Variants in RAP1GDS1 observed in about 807,000 individuals in gnomAD.
The protein encoded by RAP1GDS1 is RAP1, GTP-GDP dissociation stimulator 1.
Under a neutral mutation model 71.1 loss-of-function variants are expected in RAP1GDS1, and 35 were observed. That is an observed-to-expected ratio of 0.49 (90% CI 0.38 to 0.65). RAP1GDS1 has a LOEUF of 0.65. Ranked by LOEUF, RAP1GDS1 falls within the 30% of genes least tolerant of loss-of-function variation. The probability of loss-of-function intolerance (pLI) is 0.00; values close to 1 mark genes in which losing one functional copy is unlikely to be tolerated. For synonymous variants in RAP1GDS1, 229 were observed against 243.1 expected, an observed-to-expected ratio of 0.94 and a Z score of 0.54; for missense variants, 663 against 706.1, an observed-to-expected ratio of 0.94 and a Z score of 0.69.
intron 2 of RAP1GDS1, among the ~76,000 whole-genome samples, chr4:98,327,111 T>C (rs923552398): frequency 6.6e-6 from 1 of 152,224 alleles, no homozygotes; most frequent in African/African-American, 2.4e-5. Flanking sequence ...TTTCTATTAC[T>C]TCCAGTATAT....
intron 5 of RAP1GDS1, among the ~76,000 whole-genome samples, chr4:98,388,796 A>C (rs1346127165): frequency 6.6e-6 from 1 of 152,120 alleles, no homozygotes; most frequent in African/African-American, 2.4e-5. Context: ...ATGATTTTAG[A>C]TGTCTAAAAA....
intron 11 of RAP1GDS1, 87 bp from the exon 12 acceptor site, chr4:98,421,168 C>T (rs1294380535): frequency 4.5e-6 from 6 of 1,319,500 alleles, no homozygotes; most frequent in South Asian, 4.1e-5. Flanking sequence ...TTTTTTTAGA[C>T]GTCCTTCACA....
intron 1 of RAP1GDS1, among the ~76,000 whole-genome samples, chr4:98,274,631 A>G (rs1018076458): frequency 1.4e-4 from 22 of 152,254 alleles, no homozygotes; most frequent in African/African-American, 5.3e-4. Context: ...TTCAGGTTAT[A>G]CTGAATTGGT....
intron 1 of RAP1GDS1, among the ~76,000 whole-genome samples, chr4:98,262,010 G>C (rs554058008): frequency 4.6e-4 from 70 of 152,368 alleles, no homozygotes; most frequent in Non-Finnish European, 9.3e-4. Flanking sequence ...CTCTGTCAGT[G>C]CGACCTTTCC....
chr4:98,348,558 G>A (rs1736661721), intron 3 of RAP1GDS1, among the ~76,000 whole-genome samples: 1 of 152,148 alleles, frequency 6.6e-6, no homozygotes, highest in Non-Finnish European at 1.5e-5. Flanking sequence ...TTCCACAATG[G>A]TTGAACCAGT....
intron 7 of RAP1GDS1, among the ~76,000 whole-genome samples, chr4:98,415,484 A>G (rs534882320): frequency 6.6e-6 from 1 of 152,336 alleles, no homozygotes; most frequent in Non-Finnish European, 1.5e-5. Context: ...TTCACAATTT[A>G]TGTTTTTCTG....
intron 2 of RAP1GDS1, among the ~76,000 whole-genome samples, chr4:98,332,999 T>C (rs1467572579): frequency 6.6e-6 from 1 of 152,170 alleles, no homozygotes; most frequent in Non-Finnish European, 1.5e-5. Context: ...CTATATGTCC[T>C]CTTTCTTAAA....
At chr4:98,434,206 A>G (rs1337942265) in intron 13 of RAP1GDS1, 144 bp downstream of exon 13, 2 of 1,021,324 alleles carry the variant, frequency 2.0e-6, no homozygotes, top group Non-Finnish European at 2.8e-6. Context: ...ATGGAAAATC[A>G]TTCTATATAG....
At chr4:98,392,413 G>A (rs1360009405) in intron 6 of RAP1GDS1, among the ~76,000 whole-genome samples, 2 of 152,138 alleles carry the variant, frequency 1.3e-5, no homozygotes, top group Non-Finnish European at 2.9e-5. Context: ...GTATGTCCAC[G>A]GGTAAAAATA....
At chr4:98,263,092 G>A (rs531208473) in intron 1 of RAP1GDS1, among the ~76,000 whole-genome samples, 3 of 152,092 alleles carry the variant, frequency 2.0e-5, no homozygotes, top group African/African-American at 4.8e-5. Context: ...TATTTCCGTC[G>A]AACATACACA....
chr4:98,411,590 C>T (rs747471615), intron 7 of RAP1GDS1, among the ~76,000 whole-genome samples: 2 of 152,150 alleles, frequency 1.3e-5, no homozygotes, highest in Middle Eastern at 3.4e-3. Flanking sequence ...TTACTGTGAC[C>T]TTCAGTCAAT....
At chr4:98,347,094 T>C (rs1736409402) in intron 3 of RAP1GDS1, among the ~76,000 whole-genome samples, 1 of 152,218 alleles carries the variant, frequency 6.6e-6, no homozygotes, top group Non-Finnish European at 1.5e-5. Context: ...TGTTTTTATT[T>C]GGCTTGAAAA....
chr4:98,342,254 A>G (rs369959619), intron 2 of RAP1GDS1, among the ~76,000 whole-genome samples: 14 of 152,170 alleles, frequency 9.2e-5, no homozygotes, highest in East Asian at 3.9e-4. Context: ...AGGGTTCTCT[A>G]TTATTTGTAT....
chr4:98,376,951 TAA>T (rs752567874), intron 4 of RAP1GDS1, among the ~76,000 whole-genome samples: 6 of 152,000 alleles, frequency 3.9e-5, no homozygotes, highest in Non-Finnish European at 5.9e-5. Context: ...ATTTGTTGAA[TAA>T]GTTTGTATTT....
At chr4:98,306,213 A>G (rs1729305634) in intron 2 of RAP1GDS1, among the ~76,000 whole-genome samples, 1 of 152,208 alleles carries the variant, frequency 6.6e-6, no homozygotes, top group Admixed American at 6.5e-5. Flanking sequence ...AGAATACCAC[A>G]CACCGGCTAT....
intron 2 of RAP1GDS1, among the ~76,000 whole-genome samples, chr4:98,330,738 T>C (rs1733863138): frequency 7.2e-6 from 1 of 139,636 alleles, no homozygotes; most frequent in Non-Finnish European, 1.5e-5. Context: ...TCCCAGACGA[T>C]GGGCGGCCAG....
intron 2 of RAP1GDS1, among the ~76,000 whole-genome samples, chr4:98,321,802 C>G (rs1731964619): frequency 7.5e-6 from 1 of 133,664 alleles, no homozygotes; most frequent in Admixed American, 7.9e-5. Context: ...CCGGTACCAC[C>G]CGCTGCAAAA....
intron 13 of RAP1GDS1, among the ~76,000 whole-genome samples, chr4:98,435,965 A>G (rs1009542394): frequency 6.6e-6 from 1 of 151,246 alleles, no homozygotes; most frequent in Admixed American, 6.6e-5. Flanking sequence ...CAGCTACTTG[A>G]GAGGCTGAGG....
chr4:98,408,630 T>A (rs1048206347), intron 7 of RAP1GDS1, among the ~76,000 whole-genome samples: 1 of 152,142 alleles, frequency 6.6e-6, no homozygotes, highest in Non-Finnish European at 1.5e-5. Context: ...ACCATGAACA[T>A]AGATCCAAAA....
Sources: allele counts gnomAD v4.1 joint callset (sites outside exome capture counted in the v4.1 genomes callset), GRCh38; gene constraint gnomAD v4.1.1; transcripts MANE v1.5; gene names NCBI Gene and HGNC (gene_info 2026-07-23, HGNC 2026-07-21).